SHISA9: variants seen among roughly 807,000 people sequenced by gnomAD.
The protein encoded by SHISA9 is protein shisa-9.
SHISA9 carries 13 observed loss-of-function variants against 38.0 expected under a neutral mutation model. That is an observed-to-expected ratio of 0.34 (90% confidence interval 0.22 to 0.54). The LOEUF is 0.54. SHISA9 is among the 20% of genes least tolerant of loss of function. The probability of loss-of-function intolerance (pLI) is 0.91; values close to 1 mark genes in which losing one functional copy is unlikely to be tolerated. For synonymous variants in SHISA9, 275 were observed against 242.0 expected (o/e 1.14, Z -1.27); for missense variants, 538 against 575.8 (o/e 0.93, Z 0.67).
At chr16:13,213,852 C>T (rs1337465340) in intron 4 of SHISA9, among the ~76,000 whole-genome samples, 1 of 152,176 alleles carries the variant, frequency 6.6e-6, no homozygotes. Context: ...CAGGTGGCAG[C>T]TATCATTAAT....
At chr16:13,003,841 G>GA (rs2072557550) in intron 2 of SHISA9, among the ~76,000 whole-genome samples, 1 of 150,386 alleles carries the variant, frequency 6.6e-6, no homozygotes, top group African/African-American at 2.5e-5. Flanking sequence ...CTGGACGACA[G>GA]AGCGAGACTC....
chr16:13,066,396 A>G (rs1418083283), intron 2 of SHISA9, among the ~76,000 whole-genome samples: 1 of 152,070 alleles, frequency 6.6e-6, no homozygotes, highest in East Asian at 1.9e-4. Flanking sequence ...ATGTTTATTT[A>G]TATTTGATAT....
At chr16:12,931,185 G>T (rs188199445) in intron 2 of SHISA9, among the ~76,000 whole-genome samples, 4 of 152,226 alleles carry the variant, frequency 2.6e-5, no homozygotes, top group Non-Finnish European at 5.9e-5. Flanking sequence ...AGTGGATACA[G>T]GGGATGGAGG....
chr16:13,552,264 A>C, the SHISA9 span, among the ~76,000 whole-genome samples: 7 of 152,208 alleles, frequency 4.6e-5, no homozygotes, highest in Non-Finnish European at 8.8e-5. Flanking sequence ...TGAAATCCTC[A>C]CCAGAGGGAG....
intron 3 of SHISA9, among the ~76,000 whole-genome samples, chr16:13,212,754 T>C (rs1270903119): frequency 6.6e-6 from 1 of 152,158 alleles, no homozygotes; most frequent in African/African-American, 2.4e-5. Flanking sequence ...TCACCCAGCA[T>C]TTAAAGTCGC....
the SHISA9 span, among the ~76,000 whole-genome samples, chr16:13,455,098 A>G: frequency 6.6e-6 from 1 of 152,148 alleles, no homozygotes; most frequent in Non-Finnish European, 1.5e-5. Flanking sequence ...ATGCCCAAAT[A>G]TATATAACCA....
At chr16:13,108,612 A>G (rs1381885040) in intron 2 of SHISA9, among the ~76,000 whole-genome samples, 1 of 152,166 alleles carries the variant, frequency 6.6e-6, no homozygotes, top group African/African-American at 2.4e-5. Flanking sequence ...CTCAAGACAC[A>G]TGAGACTGCA....
chr16:13,083,854 C>A (rs1026782271), intron 2 of SHISA9, among the ~76,000 whole-genome samples: 7 of 152,092 alleles, frequency 4.6e-5, no homozygotes, highest in Non-Finnish European at 1.0e-4. Flanking sequence ...GATGGGGACA[C>A]CTGCTGTGAA....
the SHISA9 span, among the ~76,000 whole-genome samples, chr16:13,370,075 A>G: frequency 1.3e-5 from 2 of 152,204 alleles, no homozygotes; most frequent in African/African-American, 4.8e-5. Context: ...AATAAAAATA[A>G]AAATAAAATA....
At chr16:12,928,527 T>C (rs901126974) in intron 2 of SHISA9, among the ~76,000 whole-genome samples, 1 of 152,250 alleles carries the variant, frequency 6.6e-6, no homozygotes, top group African/African-American at 2.4e-5. Context: ...AAATACATGT[T>C]AACTTTTCAG....
the SHISA9 span, among the ~76,000 whole-genome samples, chr16:13,359,978 G>C: frequency 3.3e-5 from 5 of 152,184 alleles, no homozygotes; most frequent in Non-Finnish European, 7.3e-5. Context: ...TGCCCCACTT[G>C]CATCACAGCT....
At chr16:13,310,684 CTTT>C in the SHISA9 span, among the ~76,000 whole-genome samples, 6 of 125,594 alleles carry the variant, frequency 4.8e-5, no homozygotes, top group Admixed American at 8.3e-5. Context: ...GATTTTTATG[CTTT>C]TTTTTTTTTT....
At chr16:13,090,152 C>A (rs572922429) in intron 2 of SHISA9, among the ~76,000 whole-genome samples, 1 of 152,324 alleles carries the variant, frequency 6.6e-6, no homozygotes, top group South Asian at 2.1e-4. Flanking sequence ...TTTGATTGCA[C>A]TGTGGTCTGA....
chr16:13,487,363 C>T, the SHISA9 span, among the ~76,000 whole-genome samples: 1 of 152,210 alleles, frequency 6.6e-6, no homozygotes, highest in Non-Finnish European at 1.5e-5. Flanking sequence ...GGAAGCATCA[C>T]ATAAGCATCT....
intron 1 of SHISA9, chr16:12,911,257 G>C (rs74621282): frequency 2.0e-6 from 2 of 985,112 alleles, no homozygotes; most frequent in African/African-American, 3.5e-5. Context: ...TGGATGCACC[G>C]TAACATCTGA....
At chr16:13,294,733 G>A in the SHISA9 span, among the ~76,000 whole-genome samples, 2 of 152,156 alleles carry the variant, frequency 1.3e-5, no homozygotes, top group Non-Finnish European at 2.9e-5. Flanking sequence ...GAGAGCAGGG[G>A]TCTCAAACTC....
At position 13,203,509 on chromosome 16, in the gene SHISA9, A is replaced by C; in HGVS notation, c.807A>C (p.Pro269=). 1 of 1,547,752 alleles carries C rather than the reference A, an allele frequency of 6.5e-7. No homozygotes were observed. The change falls in exon 3 of 5, where the codon CCA becomes CCC. Residue 269 remains proline, a synonymous_variant. Transcript: ENST00000558583. ...CCAACCCCTATGAACAGCAGCCACC[A>C]GGAAAAGAGCTCAACAAGTACGCCT... The part of the protein sequence containing the change: ...QISNPYEQQP[P]GKELNKYASL...
the SHISA9 span, among the ~76,000 whole-genome samples, chr16:13,553,504 T>C: frequency 4.6e-5 from 7 of 152,270 alleles, no homozygotes; most frequent in East Asian, 1.4e-3. Flanking sequence ...GATTCGATCT[T>C]GTGTCCATGT....
the SHISA9 span, among the ~76,000 whole-genome samples, chr16:13,382,460 G>A: frequency 6.6e-6 from 1 of 150,990 alleles, no homozygotes; most frequent in African/African-American, 2.4e-5. Flanking sequence ...AACTCAGGAA[G>A]CGGAGGTTGC....
Sources: allele counts gnomAD v4.1 joint callset (sites outside exome capture counted in the v4.1 genomes callset), GRCh38; gene constraint gnomAD v4.1.1; transcripts MANE v1.5; gene names NCBI Gene and HGNC (gene_info 2026-07-23, HGNC 2026-07-21).